Variants in SDK1 observed in about 807,000 individuals in gnomAD.
SDK1 encodes protein sidekick-1.
A neutral mutation model predicts 245.5 loss-of-function variants in SDK1; 157 were observed. That is an observed-to-expected ratio of 0.64 (90% CI 0.56 to 0.73). SDK1 has a LOEUF of 0.73. Among genes scored for constraint, SDK1 ranks in the 30% least tolerant of loss-of-function variants. The pLI is 0.00. For missense variants in SDK1, 3,583 were observed against 3,002.3 expected (o/e 1.19, Z -4.52); for synonymous variants, 1,647 against 1,278.5 (o/e 1.29, Z -6.15).
intron 1 of SDK1, among the ~76,000 whole-genome samples, chr7:3,342,379 G>A (rs1269633389): frequency 4.0e-5 from 6 of 151,832 alleles, no homozygotes; most frequent in Admixed American, 1.3e-4. Flanking sequence ...ACCTGAGGTC[G>A]GGAGTTTGAG....
rs996446756 is a variant in SDK1 at position 4,187,851 on chromosome 7, TC to T, written c.5098+9267del. On this transcript the variant is annotated intron_variant, in intron 35 of 44. Coordinates refer to ENST00000404826, the MANE Select transcript of SDK1 (RefSeq NM_152744.4). The stretch of plus-strand genomic sequence containing the variant: ...TCTTCAGTCTCAACTGTTAGAAAAT[TC>T]CTAGTTGTATTGGTTTTCATGCTGC... 2.6e-5 allele frequency among the ~76,000 whole-genome samples: 4 copies of T among 152,300 alleles called. No homozygotes were observed. The South Asian group carries it at 8.3e-4, about 32-fold the overall frequency.
At chr7:3,362,129 C>G (rs1583744884) in intron 1 of SDK1, among the ~76,000 whole-genome samples, 1 of 152,258 alleles carries the variant, frequency 6.6e-6, no homozygotes, top group Non-Finnish European at 1.5e-5. Flanking sequence ...GATCTGAGGA[C>G]TGTGCTGTGA....
intron 4 of SDK1, among the ~76,000 whole-genome samples, chr7:3,690,849 A>G (rs1353365142): frequency 6.6e-6 from 1 of 152,250 alleles, no homozygotes; most frequent in Non-Finnish European, 1.5e-5. Flanking sequence ...TTGCGTGTAT[A>G]TAAGAACTTT....
At chr7:3,546,943 GA>G (rs1779243858) in intron 1 of SDK1, among the ~76,000 whole-genome samples, 1 of 152,134 alleles carries the variant, frequency 6.6e-6, no homozygotes. Context: ...AAAGATCTAT[GA>G]AGTCATCTTT....
intron 38 of SDK1, 36 bp downstream of exon 38, chr7:4,210,198 C>A (rs761464052): frequency 9.4e-6 from 14 of 1,492,352 alleles, no homozygotes; most frequent in African/African-American, 4.2e-5. Context: ...GAGCGCGGGC[C>A]ACACCAGTGC....
intron 14 of SDK1, among the ~76,000 whole-genome samples, chr7:4,006,455 C>T (rs899399261): frequency 6.6e-6 from 1 of 152,216 alleles, no homozygotes; most frequent in African/African-American, 2.4e-5. Flanking sequence ...CTGTGGCCCT[C>T]TTCTGTGAGG....
chr7:3,803,171 G>A (rs150521258), intron 4 of SDK1, among the ~76,000 whole-genome samples: 120 of 152,156 alleles, frequency 7.9e-4, no homozygotes, highest in African/African-American at 2.8e-3. Flanking sequence ...GGTCATCATG[G>A]TTTTAATTTG....
At chr7:3,712,408 C>T (rs982287860) in intron 4 of SDK1, among the ~76,000 whole-genome samples, 1 of 152,188 alleles carries the variant, frequency 6.6e-6, no homozygotes, top group African/African-American at 2.4e-5. Context: ...AGAGCTTCCA[C>T]TGATTCTGCG....
chr7:3,457,070 G>T (rs1437384560), intron 1 of SDK1, among the ~76,000 whole-genome samples: 2 of 152,170 alleles, frequency 1.3e-5, no homozygotes, highest in African/African-American at 4.8e-5. Context: ...AGTCTGGAAA[G>T]AAGTGCTTCT....
intron 5 of SDK1, among the ~76,000 whole-genome samples, chr7:3,873,650 C>G (rs182011034): frequency 1.3e-5 from 2 of 152,156 alleles, no homozygotes; most frequent in African/African-American, 4.8e-5. Flanking sequence ...CTTGTTTTTT[C>G]TCTTTGCATT....
At chr7:3,837,910 G>C (rs1780062304) in intron 5 of SDK1, among the ~76,000 whole-genome samples, 1 of 152,154 alleles carries the variant, frequency 6.6e-6, no homozygotes, top group Non-Finnish European at 1.5e-5. Context: ...CCATCATTGA[G>C]CTTTATTCGC....
rs566840134 is a variant in SDK1 at position 3,390,493 on chromosome 7, G to C, written c.298+88609G>C. Among the ~76,000 whole-genome samples, 4 of 152,194 alleles carry C rather than the reference G, an allele frequency of 2.6e-5. No individual in the cohort carries two copies. In the South Asian group the frequency reaches 6.2e-4, roughly 24 times the overall value. On this transcript the variant is annotated intron_variant, in intron 1 of 44. Coordinates refer to ENST00000404826, the MANE Select transcript of SDK1 (RefSeq NM_152744.4). Reference sequence around the variant, plus strand: ...AGTTAAATAGTGTCACCCCAGAAAAGTTATTTTCACCTATGAATGTGAGTT... The same window carrying C: ...AGTTAAATAGTGTCACCCCAGAAAACTTATTTTCACCTATGAATGTGAGTT...
intron 1 of SDK1, among the ~76,000 whole-genome samples, chr7:3,374,309 C>T (rs1781300324): frequency 6.6e-6 from 1 of 152,160 alleles, no homozygotes; most frequent in African/African-American, 2.4e-5. Flanking sequence ...AGACTTGTGA[C>T]TTCTGCCCCC....
intron 4 of SDK1, among the ~76,000 whole-genome samples, chr7:3,670,210 CTG>C (rs1469803573): frequency 1.3e-5 from 2 of 152,180 alleles, no homozygotes; most frequent in African/African-American, 4.8e-5. Flanking sequence ...TCTTGTTACT[CTG>C]TTCCTTCAAA....
At chr7:3,774,902 A>G (rs1309326812) in intron 4 of SDK1, among the ~76,000 whole-genome samples, 3 of 152,146 alleles carry the variant, frequency 2.0e-5, no homozygotes, top group Non-Finnish European at 2.9e-5. Flanking sequence ...TATCACACTC[A>G]TGCATTCCTG....
At chr7:3,437,147 C>T (rs1369956917) in intron 1 of SDK1, among the ~76,000 whole-genome samples, 1 of 152,148 alleles carries the variant, frequency 6.6e-6, no homozygotes, top group Non-Finnish European at 1.5e-5. Flanking sequence ...TTACTGTAGT[C>T]CTTCACCTTT....
chr7:4,017,375 G>C (rs759932893), intron 17 of SDK1, 23 bp downstream of exon 17: 1 of 1,584,330 alleles, frequency 6.3e-7, no homozygotes, highest in Non-Finnish European at 8.6e-7. Context: ...CCAAAACCAC[G>C]AGGTGGCGGG....
intron 4 of SDK1, among the ~76,000 whole-genome samples, chr7:3,806,108 G>A (rs1330079131): frequency 6.6e-5 from 10 of 152,204 alleles, no homozygotes; most frequent in Non-Finnish European, 1.5e-5. Flanking sequence ...CATCTTCAAA[G>A]TCAGCAGCGT....
At chr7:3,747,463 T>G (rs1244763893) in intron 4 of SDK1, among the ~76,000 whole-genome samples, 1 of 152,238 alleles carries the variant, frequency 6.6e-6, no homozygotes, top group East Asian at 1.9e-4. Flanking sequence ...AGATGCACTG[T>G]GGCTTTTGTT....
Sources: gnomAD v4.1 joint callset for allele counts (sites outside exome capture counted in the v4.1 genomes callset) on GRCh38, gnomAD v4.1.1 for gene constraint, MANE v1.5 for transcripts, NCBI Gene and HGNC (gene_info 2026-07-23, HGNC 2026-07-21) for gene names.